ASXL2: variants seen among roughly 807,000 people sequenced by gnomAD.
The protein encoded by ASXL2 is putative Polycomb group protein ASXL2.
Under a neutral mutation model 122.0 loss-of-function variants are expected in ASXL2, and 23 were observed. That is an observed-to-expected ratio of 0.19 (90% CI 0.14 to 0.27). The LOEUF is 0.27. Ranked by LOEUF, ASXL2 falls within the 10% of genes least tolerant of loss-of-function variation. The probability of loss-of-function intolerance (pLI) is 1.00; values close to 1 mark genes in which losing one functional copy is unlikely to be tolerated. For missense variants in ASXL2, 1,518 were observed against 1,713.8 expected (o/e 0.89, Z 2.02); for synonymous variants, 650 against 637.0 (o/e 1.02, Z -0.31).
At chr2:25,875,725 T>C (rs565007975) in intron 1 of ASXL2, among the ~76,000 whole-genome samples, 2 of 152,248 alleles carry the variant, frequency 1.3e-5, no homozygotes, top group African/African-American at 4.8e-5. Flanking sequence ...CAAAAACACA[T>C]GAAATAAGAA....
At chr2:25,784,204 A>C (rs539602395) in intron 5 of ASXL2, among the ~76,000 whole-genome samples, 239 of 152,128 alleles carry the variant, frequency 1.6e-3, no homozygotes, top group African/African-American at 5.6e-3. Context: ...TTGAGTTGTG[A>C]TCACGCCACT....
Position 25,768,778 on chromosome 2 carries a change from C to T in ASXL2, c.595G>A (p.Val199Ile). The T allele has an allele frequency of 5.0e-6, 8 of 1,613,860 alleles. No individual in the cohort carries two copies. Among genetic ancestry groups the T allele is most frequent in the Non-Finnish European group, 6.8e-6 (8 of 1,179,798 alleles). ...SSNQHLSLKT[V>I]KAASDSVPAK... Reference sequence around the variant, plus strand: ...GGTACAGAGTCACTGGCTGCTTTGACAGTCTTTAGTGAGAGATGCTGGTTG... The same window carrying T: ...GGTACAGAGTCACTGGCTGCTTTGATAGTCTTTAGTGAGAGATGCTGGTTG... Residue 199 changes from valine (V) to isoleucine (I), a missense_variant, in exon 7 of 13, where the codon GTC becomes ATC. Transcript: ENST00000435504.
intron 1 of ASXL2, among the ~76,000 whole-genome samples, chr2:25,862,932 A>C (rs1034552904): frequency 3.3e-5 from 5 of 152,086 alleles, no homozygotes; most frequent in Non-Finnish European, 2.9e-5. Context: ...AGAAGACATT[A>C]ATTCTTGCCC....
chr2:25,788,296 G>A (rs563999948), intron 5 of ASXL2, among the ~76,000 whole-genome samples: 1 of 152,274 alleles, frequency 6.6e-6, no homozygotes, highest in Non-Finnish European at 1.5e-5. Flanking sequence ...GCATATACAG[G>A]AAGACAGTTT....
At chr2:25,859,345 G>A (rs1217522721) in intron 1 of ASXL2, among the ~76,000 whole-genome samples, 1 of 152,048 alleles carries the variant, frequency 6.6e-6, no homozygotes, top group Non-Finnish European at 1.5e-5. Flanking sequence ...TTTAATTATA[G>A]CTGAACTTCC....
chr2:25,854,369 G>C (rs1427296034), intron 1 of ASXL2, among the ~76,000 whole-genome samples: 1 of 152,166 alleles, frequency 6.6e-6, no homozygotes, highest in Non-Finnish European at 1.5e-5. Flanking sequence ...AAACCTATGA[G>C]GTAGATACTA....
chr2:25,735,049 G>C lies in ASXL2; in HGVS notation c.*6980C>G, dbSNP rs1351734198. ...CCCTTTAGGTTCTTTTGGGTTTGAAGAAGCACGAAAAGCAAGGTTGCAGTT... is the reference window on the plus strand; with the variant it reads ...CCCTTTAGGTTCTTTTGGGTTTGAACAAGCACGAAAAGCAAGGTTGCAGTT... On this transcript the variant is annotated 3_prime_UTR_variant, in exon 13 of 13. Coordinates refer to ENST00000435504, the MANE Select transcript of ASXL2 (RefSeq NM_018263.6). 5 of 152,120 alleles carry C rather than the reference G, an allele frequency of 3.3e-5. No homozygotes were observed. The highest frequency in any genetic ancestry group is 3.3e-4 in the Admixed American group (5 of 15,264). The allele number at this position is 152,120 out of a possible 1,614,324, so 9.4% of individuals were successfully genotyped here.
chr2:25,845,146 A>C (rs1364456054), intron 2 of ASXL2: 1 of 275,010 alleles, frequency 3.6e-6, no homozygotes, highest in Non-Finnish European at 7.4e-6. Flanking sequence ...CCTGTATGAG[A>C]GTAATTTTTA....
At chr2:25,828,068 A>G (rs1395888532) in intron 3 of ASXL2, among the ~76,000 whole-genome samples, 1 of 152,154 alleles carries the variant, frequency 6.6e-6, no homozygotes, top group East Asian at 1.9e-4. Context: ...CAGTAATTCT[A>G]TGTTCTATTT....
rs145031839 is a variant in ASXL2 at position 25,848,637 on chromosome 2, C to T, written c.58-3074G>A. Among the ~76,000 whole-genome samples, 371 of 151,810 alleles carry T rather than the reference C, an allele frequency of 2.4e-3. 2 individuals are homozygous for T. The highest frequency in any genetic ancestry group is 8.4e-3 in the African/African-American group (346 of 41,406). ...AGACTCCATCTCAAAAATAAACAAA[C>T]AAATAAATAAATAAATAGAAGTGGA... On this transcript the variant is annotated intron_variant, in intron 1 of 12. Coordinates refer to ENST00000435504, the MANE Select transcript of ASXL2 (RefSeq NM_018263.6).
At chr2:25,828,818 G>A (rs1220280680) in intron 3 of ASXL2, among the ~76,000 whole-genome samples, 3 of 97,996 alleles carry the variant, frequency 3.1e-5, no homozygotes, top group African/African-American at 8.1e-5. Context: ...GTGTGAGACT[G>A]TGTCTCAAAA....
At position 25,856,486 on chromosome 2, in the gene ASXL2, T is replaced by A; in HGVS notation, c.58-10923A>T. 2.8e-6 allele frequency: 3 copies of A among 1,068,850 alleles called. No homozygotes were observed. In the Admixed American group the frequency reaches 5.3e-5, roughly 19 times the overall value. The allele number at this position is 1,068,850 out of a possible 1,614,324, so 66.2% of individuals were successfully genotyped here. A position where few individuals can be genotyped will look rare whatever the true frequency, so the allele number is the denominator to read the frequency against. On this transcript the variant is annotated intron_variant, in intron 1 of 12. Transcript: ENST00000435504. The stretch of plus-strand genomic sequence containing the variant: ...TCACTTGGCCTTCGGGTTACGGAAC[T>A]TGTATCCAGCAAAGACAGCCTTGTC...
intron 1 of ASXL2, among the ~76,000 whole-genome samples, chr2:25,873,321 G>A (rs1465833774): frequency 6.6e-6 from 1 of 152,116 alleles, no homozygotes; most frequent in African/African-American, 2.4e-5. Flanking sequence ...TGAGGCGGAA[G>A]AATCACTTGA....
chr2:25,779,540 C>T (rs2088599940), intron 5 of ASXL2, among the ~76,000 whole-genome samples: 1 of 152,118 alleles, frequency 6.6e-6, no homozygotes, highest in Non-Finnish European at 1.5e-5. Context: ...CTACTGAATG[C>T]AGTTTAAGAT....
At chr2:25,792,824 T>C (rs778460630) in intron 5 of ASXL2, among the ~76,000 whole-genome samples, 4 of 152,000 alleles carry the variant, frequency 2.6e-5, no homozygotes, top group African/African-American at 4.8e-5. Flanking sequence ...CAGGCTGGTC[T>C]TGAACTCCTT....
intron 3 of ASXL2, among the ~76,000 whole-genome samples, chr2:25,817,968 C>G (rs946453024): frequency 6.6e-6 from 1 of 152,168 alleles, no homozygotes; most frequent in Non-Finnish European, 1.5e-5. Flanking sequence ...ATCACCAAAA[C>G]TTTTAATCAT....
intron 1 of ASXL2, among the ~76,000 whole-genome samples, chr2:25,863,328 C>CAAAAAAAAA (rs2089861429): frequency 1.4e-5 from 2 of 142,042 alleles, no homozygotes; most frequent in African/African-American, 5.2e-5. Flanking sequence ...GACTCCATCT[C>CAAAAAAAAA]CAAAAAAAAA....
intron 1 of ASXL2, among the ~76,000 whole-genome samples, chr2:25,869,704 T>C (rs1339543964): frequency 6.6e-6 from 1 of 151,868 alleles, no homozygotes; most frequent in Non-Finnish European, 1.5e-5. Context: ...GTAGTGCAGC[T>C]ACTCGGGAGG....
chr2:25,765,408 C>A (rs1344663825), intron 8 of ASXL2, among the ~76,000 whole-genome samples: 1 of 151,808 alleles, frequency 6.6e-6, no homozygotes. Context: ...ATGGCATGAA[C>A]ACGGGAGGCA....
Sources: allele counts gnomAD v4.1 joint callset (sites outside exome capture counted in the v4.1 genomes callset), GRCh38; gene constraint gnomAD v4.1.1; transcripts MANE v1.5; gene names NCBI Gene and HGNC (gene_info 2026-07-23, HGNC 2026-07-21).